PDXDC1: variants seen among roughly 807,000 people sequenced by gnomAD.
PDXDC1 encodes the protein pyridoxal-dependent decarboxylase domain-containing protein 1.
Under a neutral mutation model 100.1 loss-of-function variants are expected in PDXDC1, and 42 were observed. That is an observed-to-expected ratio of 0.42 (90% CI 0.33 to 0.54). PDXDC1 has a LOEUF of 0.54. Ranked by LOEUF, PDXDC1 falls within the 20% of genes least tolerant of loss-of-function variation. PDXDC1 has a pLI of 0.10. For missense variants in PDXDC1, 636 were observed against 979.2 expected (o/e 0.65, Z 4.68); for synonymous variants, 260 against 371.7 (o/e 0.70, Z 3.46).
intron 2 of PDXDC1, 25 bp from the exon 3 acceptor site, chr16:14,998,315 C>G (rs779384135): frequency 1.9e-5 from 31 of 1,604,014 alleles, no homozygotes; most frequent in Admixed American, 7.1e-5. Context: ...AACAAATGAA[C>G]AGCTTTTTCT....
chr16:15,074,224 C>G lies in PDXDC1; in HGVS notation c.1399+44168C>G, dbSNP rs527635616. On this transcript the variant is annotated intron_variant, in intron 16 of 16. Coordinates refer to the PDXDC1 transcript ENST00000535621. ...CAACTCAGATTCCAGTTCTATTATT[C>G]TGACTCACTGAGCTCATCTTAAATC... Among the ~76,000 whole-genome samples the G allele has an allele frequency of 8.5e-5, 13 of 152,276 alleles. No homozygotes were observed. In the South Asian group the frequency reaches 2.7e-3, roughly 32 times the overall value.
At chr16:15,052,873 G>T (rs936127142) in intron 16 of PDXDC1, among the ~76,000 whole-genome samples, 6 of 152,202 alleles carry the variant, frequency 3.9e-5, no homozygotes, top group Middle Eastern at 3.4e-3. Context: ...ACTAAGCTAC[G>T]CTGCGAGCAT....
chr16:15,130,863 C>T, intron 16 of PDXDC1: 2 of 723,526 alleles, frequency 2.8e-6, no homozygotes, highest in Non-Finnish European at 2.4e-6. Flanking sequence ...CGATGGCCCT[C>T]CTGAGCCCAC....
chr16:14,976,255 T>C (rs1966826693), intron 1 of PDXDC1, among the ~76,000 whole-genome samples: 1 of 152,276 alleles, frequency 6.6e-6, no homozygotes, highest in Non-Finnish European at 1.5e-5. Flanking sequence ...GCATGTGGCA[T>C]TCAGGAGCAA....
intron 14 of PDXDC1, among the ~76,000 whole-genome samples, chr16:15,028,278 C>T (rs1316170424): frequency 6.6e-6 from 1 of 152,294 alleles, no homozygotes; most frequent in Non-Finnish European, 1.5e-5. Context: ...CTTCTGGTGC[C>T]AGCTCCTCCT....
chr16:15,124,599 C>G lies in PDXDC1; in HGVS notation c.1400-14280C>G, dbSNP rs183536746. On this transcript the variant is annotated intron_variant, in intron 16 of 16. Transcript: ENST00000535621. ...ACCAGCCTGGCCAATATGGTGAAAC[C>G]CTGTGTCTAATAAAATACAAAAATT... is the stretch of plus-strand genomic sequence containing the variant. Among the ~76,000 whole-genome samples the G allele has an allele frequency of 3.5e-3, 519 of 147,228 alleles. 7 individuals are homozygous for G. Among genetic ancestry groups the G allele is most frequent in the African/African-American group, 0.012 (497 of 40,752 alleles).
chr16:14,986,104 A>G (rs1969304444), intron 1 of PDXDC1, among the ~76,000 whole-genome samples: 1 of 152,286 alleles, frequency 6.6e-6, no homozygotes, highest in Non-Finnish European at 1.5e-5. Flanking sequence ...GTCTCAAAAA[A>G]AAAAAAAGTT....
At chr16:15,029,800 T>C (rs1212591411) in intron 15 of PDXDC1, 151 bp from the exon 16 acceptor site, 2 of 636,182 alleles carry the variant, frequency 3.1e-6, no homozygotes, top group African/African-American at 3.7e-5. Flanking sequence ...TTACTGTTTT[T>C]AAAAAGCTGC....
chr16:15,048,884 A>G lies in PDXDC1; in HGVS notation c.1399+18828A>G, dbSNP rs188416480. The stretch of plus-strand genomic sequence containing the variant: ...AGCAATCCACCCACCCTGGCCTCCT[A>G]AAGTGCTGGGAGTACAGGCACACAC... On this transcript the variant is annotated intron_variant, in intron 16 of 16. Coordinates refer to the PDXDC1 transcript ENST00000535621. Among the ~76,000 whole-genome samples the G allele has an allele frequency of 3.1e-4, 46 of 147,636 alleles. No homozygotes were observed. In the South Asian group the frequency reaches 9.0e-3, roughly 29 times the overall value.
intron 1 of PDXDC1, among the ~76,000 whole-genome samples, chr16:14,995,643 A>G (rs1971802124): frequency 6.6e-6 from 1 of 152,294 alleles, no homozygotes; most frequent in African/African-American, 2.4e-5. Context: ...TATCAGAATA[A>G]TGTTGGCCTC....
intron 16 of PDXDC1, among the ~76,000 whole-genome samples, chr16:15,096,746 G>A (rs1275678888): frequency 2.0e-5 from 3 of 152,250 alleles, no homozygotes; most frequent in African/African-American, 7.2e-5. Context: ...GCAATGGCGC[G>A]ATCATGGCTC....
downstream of PDXDC1, among the ~76,000 whole-genome samples, chr16:15,139,915 G>A (rs1329727165): frequency 6.6e-6 from 1 of 152,056 alleles, no homozygotes; most frequent in Non-Finnish European, 1.5e-5. Context: ...GGCCAACAGG[G>A]TGAAACCCCA....
downstream of PDXDC1, among the ~76,000 whole-genome samples, chr16:15,041,971 A>G (rs1158895504): frequency 6.6e-6 from 1 of 152,200 alleles, no homozygotes; most frequent in Non-Finnish European, 1.5e-5. Flanking sequence ...CCATGGATTT[A>G]TAAGATTTTT....
chr16:15,020,689 A>G (rs1377684921), intron 12 of PDXDC1, among the ~76,000 whole-genome samples: 96 of 152,296 alleles, frequency 6.3e-4, no homozygotes, highest in Non-Finnish European at 1.2e-3. Flanking sequence ...TTTTAAAAAA[A>G]GAAAGAAAAA....
intron 1 of PDXDC1, among the ~76,000 whole-genome samples, chr16:14,993,370 C>T (rs1971283774): frequency 6.7e-6 from 1 of 148,980 alleles, no homozygotes; most frequent in African/African-American, 2.5e-5. Flanking sequence ...TCATTTCCCA[C>T]CTATGAGTGA....
intron 16 of PDXDC1, among the ~76,000 whole-genome samples, chr16:15,069,472 A>G (rs1453738957): frequency 6.6e-6 from 1 of 152,224 alleles, no homozygotes; most frequent in African/African-American, 2.4e-5. Context: ...ACACTAATCT[A>G]ATAAGTTTCA....
At chr16:15,128,720 CCA>C (rs1175517187) in intron 16 of PDXDC1, among the ~76,000 whole-genome samples, 10 of 152,154 alleles carry the variant, frequency 6.6e-5, no homozygotes, top group African/African-American at 2.4e-4. Flanking sequence ...GTGACCCGCA[CCA>C]CACACCCGTC....
chr16:15,106,654 C>T (rs188533455), intron 16 of PDXDC1, among the ~76,000 whole-genome samples: 1 of 147,146 alleles, frequency 6.8e-6, no homozygotes, highest in Admixed American at 6.8e-5. Context: ...ACTCGGGAGG[C>T]TGAGGCAGGG....
At chr16:15,035,589 G>C in intron 22 of PDXDC1, 36 bp downstream of exon 22, 1 of 1,304,668 alleles carries the variant, frequency 7.7e-7, no homozygotes, top group East Asian at 2.4e-5. Flanking sequence ...CAGGTAACAG[G>C]TTTCCCCTGT....
Sources: allele counts gnomAD v4.1 joint callset (sites outside exome capture counted in the v4.1 genomes callset), GRCh38; gene constraint gnomAD v4.1.1; transcripts MANE v1.5; gene names NCBI Gene and HGNC (gene_info 2026-07-23, HGNC 2026-07-21).